The following KIF26B variants were observed in gnomAD, a reference collection of about 807,000 sequenced individuals.
The protein encoded by KIF26B is kinesin family member 26B.
Under a neutral mutation model 151.2 loss-of-function variants are expected in KIF26B, and 63 were observed. The ratio of observed to expected loss-of-function variants is 0.42; its 90% confidence interval spans 0.34 to 0.51. The LOEUF (loss-of-function observed/expected upper bound fraction) is 0.51. Among genes scored for constraint, KIF26B ranks in the 20% least tolerant of loss-of-function variants. The pLI, the probability that KIF26B is intolerant of heterozygous loss-of-function variation, is 0.07. For missense variants in KIF26B, 2,813 were observed against 2,913.6 expected, an observed-to-expected ratio of 0.97 and a Z score of 0.79; for synonymous variants, 1,357 against 1,262.1, an observed-to-expected ratio of 1.08 and a Z score of -1.59.
In KIF26B at chr1:245,241,881, C is replaced by T. The variant is rs556502139; in HGVS notation, c.465+85198C>T. ...AGCTCAGTCCCCATTTCTCAGGTGGCCTTCAAGGCTCATTCCTGACTCACC... is the reference window on the plus strand; with the variant it reads ...AGCTCAGTCCCCATTTCTCAGGTGGTCTTCAAGGCTCATTCCTGACTCACC... On this transcript the variant is annotated intron_variant, in intron 2 of 14. Coordinates refer to ENST00000407071, the MANE Select transcript of KIF26B (RefSeq NM_018012.4). The surrounding 1 kb of genome is among the most constrained non-coding windows in gnomAD (Gnocchi z 5.0). Among the ~76,000 whole-genome samples, 16 of 152,258 alleles carry T rather than the reference C, an allele frequency of 1.1e-4. No individual in the cohort carries two copies. The highest frequency in any genetic ancestry group is 3.1e-4 in the African/African-American group (13 of 41,570).
intron 2 of KIF26B, among the ~76,000 whole-genome samples, chr1:245,207,951 T>C (rs1399349309): frequency 3.3e-5 from 5 of 152,200 alleles, no homozygotes; most frequent in Non-Finnish European, 7.3e-5. Flanking sequence ...GCTTTCCTTT[T>C]GCTGTCTGGC....
intron 2 of KIF26B, among the ~76,000 whole-genome samples, chr1:245,364,341 A>G (rs1433826635): frequency 6.6e-6 from 1 of 151,776 alleles, no homozygotes; most frequent in Non-Finnish European, 1.5e-5. Flanking sequence ...TCCCTAGGTC[A>G]GAGTCAAATC....
chr1:245,248,191 T>G (rs1367131145), intron 2 of KIF26B, among the ~76,000 whole-genome samples: 1 of 152,084 alleles, frequency 6.6e-6, no homozygotes, highest in Non-Finnish European at 1.5e-5. Flanking sequence ...CTGAGCACAT[T>G]GAGAAAGACA....
intron 4 of KIF26B, among the ~76,000 whole-genome samples, chr1:245,443,158 G>A (rs1659154886): frequency 7.1e-6 from 1 of 139,980 alleles, no homozygotes. Flanking sequence ...CTCCCTCACT[G>A]TTCACTTAGA....
chr1:245,556,782 T>C (rs920374306), intron 5 of KIF26B, among the ~76,000 whole-genome samples: 5 of 152,186 alleles, frequency 3.3e-5, no homozygotes, highest in Non-Finnish European at 7.3e-5. Context: ...TAAGTGATCC[T>C]CCCACCTCAG....
chr1:245,414,047 G>A (rs534204680), intron 3 of KIF26B, among the ~76,000 whole-genome samples: 29 of 152,344 alleles, frequency 1.9e-4, no homozygotes, highest in Non-Finnish European at 3.7e-4. Flanking sequence ...AGTAAAGCCT[G>A]TCCTTAGCTC....
chr1:245,183,750 T>C (rs1432593620), intron 2 of KIF26B, among the ~76,000 whole-genome samples: 1 of 152,002 alleles, frequency 6.6e-6, no homozygotes, highest in African/African-American at 2.4e-5. Flanking sequence ...TCCAGGGCCT[T>C]GGCACTCATC....
At chr1:245,314,862 G>T (rs1232382260) in intron 2 of KIF26B, among the ~76,000 whole-genome samples, 2 of 152,222 alleles carry the variant, frequency 1.3e-5, no homozygotes, top group East Asian at 3.8e-4. Flanking sequence ...ATGGTAAAAT[G>T]CTATTAGCAT....
chr1:245,680,956 CT>C (rs1237871095), intron 10 of KIF26B, among the ~76,000 whole-genome samples: 1 of 152,124 alleles, frequency 6.6e-6, no homozygotes, highest in Non-Finnish European at 1.5e-5. Flanking sequence ...GGTTATTTTG[CT>C]GTAAACGGCC....
chr1:245,559,645 C>G (rs965884082), intron 5 of KIF26B, among the ~76,000 whole-genome samples: 1 of 152,194 alleles, frequency 6.6e-6, no homozygotes, highest in African/African-American at 2.4e-5. Flanking sequence ...AATTCCTGAG[C>G]TCATGATCCA....
intron 2 of KIF26B, among the ~76,000 whole-genome samples, chr1:245,300,622 G>A (rs1476212582): frequency 3.3e-5 from 5 of 151,114 alleles, no homozygotes; most frequent in African/African-American, 1.2e-4. Context: ...TCTGCCTCCC[G>A]GGTTCAAGTG....
chr1:245,661,333 A>G (rs1047676698), intron 10 of KIF26B, among the ~76,000 whole-genome samples: 5 of 88,440 alleles, frequency 5.7e-5, no homozygotes, highest in Non-Finnish European at 1.2e-4. Context: ...AAATGTATTT[A>G]CTAATCGCCA....
intron 10 of KIF26B, among the ~76,000 whole-genome samples, chr1:245,656,229 A>AG (rs2147929269): frequency 1.1e-5 from 1 of 94,554 alleles, no homozygotes. Flanking sequence ...CACTAAGGGA[A>AG]GAAGGGGTCG....
chr1:245,413,206 G>A (rs746616911), intron 3 of KIF26B, among the ~76,000 whole-genome samples: 5 of 152,208 alleles, frequency 3.3e-5, no homozygotes, highest in African/African-American at 7.2e-5. Flanking sequence ...TACACGTAAC[G>A]AAGATAATGA....
rs1226673099 is a variant in KIF26B at position 245,484,679 on chromosome 1, G to A, written c.1167-56088G>A. On this transcript the variant is annotated intron_variant, in intron 4 of 14. Coordinates refer to ENST00000407071, the MANE Select transcript of KIF26B (RefSeq NM_018012.4). ...TTGGAGATTGTTCCAACAATTTGGA[G>A]CTGCTTCTCCTCCTTCTTCTCCTTC... Among the ~76,000 whole-genome samples, 4 of 123,394 alleles carry A rather than the reference G, an allele frequency of 3.2e-5. No homozygotes were observed. The East Asian group carries it at 6.9e-4, about 21-fold the overall frequency. 81.0% of individuals were successfully genotyped at this position (123,394 alleles called of 152,430 possible).
Position 245,167,832 on chromosome 1 carries a change from G to C in KIF26B, c.465+11149G>C, listed in dbSNP as rs964188162. The stretch of plus-strand genomic sequence containing the variant: ...GCGTGGTGATGGGGGCTGAGGGATA[G>C]ATGGGAGGAGGATAGAAAGGAGAGG... On this transcript the variant is annotated intron_variant, in intron 2 of 14. Transcript: ENST00000407071. The surrounding 1 kb of genome is among the most constrained non-coding windows in gnomAD (Gnocchi z 4.2). Among the ~76,000 whole-genome samples the C allele has an allele frequency of 6.6e-6, 1 of 152,146 alleles. No individual in the cohort carries two copies. Among genetic ancestry groups the C allele is most frequent in the Non-Finnish European group, 1.5e-5 (1 of 68,020 alleles).
At chr1:245,523,292 T>G (rs1055104341) in intron 4 of KIF26B, among the ~76,000 whole-genome samples, 1 of 152,204 alleles carries the variant, frequency 6.6e-6, no homozygotes, top group African/African-American at 2.4e-5. Flanking sequence ...ATATTCTCAA[T>G]TTACACAATT....
chr1:245,227,839 A>G lies in KIF26B; in HGVS notation c.465+71156A>G, dbSNP rs1457018450. 6.6e-6 allele frequency among the ~76,000 whole-genome samples: 1 copy of G among 152,082 alleles called. No individual in the cohort carries two copies. The highest frequency in any genetic ancestry group is 1.5e-5 in the Non-Finnish European group (1 of 68,022). On this transcript the variant is annotated intron_variant, in intron 2 of 14. Coordinates refer to ENST00000407071, the MANE Select transcript of KIF26B (RefSeq NM_018012.4). This position sits in a 1 kb window ranked among gnomAD's most constrained non-coding sequence, Gnocchi z 4.1. ...AACATGGTGGAACCCCATCTCTACTAAAAATACAAAAAATTAGCCGGGCAT... is the reference window on the plus strand; with the variant it reads ...AACATGGTGGAACCCCATCTCTACTGAAAATACAAAAAATTAGCCGGGCAT...
intron 2 of KIF26B, among the ~76,000 whole-genome samples, chr1:245,346,316 C>T (rs866622330): frequency 2.6e-5 from 4 of 152,136 alleles, no homozygotes; most frequent in Admixed American, 1.3e-4. Flanking sequence ...AACTGCTCCC[C>T]GAAGTCCTCT....
Sources: allele counts gnomAD v4.1 joint callset (sites outside exome capture counted in the v4.1 genomes callset), GRCh38; gene constraint gnomAD v4.1.1; non-coding constraint Gnocchi (gnomAD v3.1); transcripts MANE v1.5; gene names NCBI Gene and HGNC (gene_info 2026-07-23, HGNC 2026-07-21).